The following LRRC7 variants were observed in gnomAD, a reference collection of about 807,000 sequenced individuals.
LRRC7 encodes leucine-rich repeat-containing protein 7.
Under a neutral mutation model 175.7 loss-of-function variants are expected in LRRC7, and 23 were observed. The observed-to-expected ratio is 0.13, with a 90% confidence interval of 0.09 to 0.19. The LOEUF (loss-of-function observed/expected upper bound fraction) is 0.19. LRRC7 is among the 10% of genes least tolerant of loss of function. The pLI is 1.00. For missense variants in LRRC7, 1,354 were observed against 1,904.7 expected (o/e 0.71, Z 5.38); for synonymous variants, 685 against 680.9 (o/e 1.01, Z -0.09).
intron 21 of LRRC7, among the ~76,000 whole-genome samples, chr1:70,043,161 T>C (rs1553195219): frequency 6.6e-6 from 1 of 152,102 alleles, no homozygotes; most frequent in Non-Finnish European, 1.5e-5. Flanking sequence ...AGGAAAAAAA[T>C]TATCTATCAG....
At chr1:69,779,752 T>C (rs1039685586) in intron 3 of LRRC7, among the ~76,000 whole-genome samples, 1 of 152,352 alleles carries the variant, frequency 6.6e-6, no homozygotes, top group East Asian at 1.9e-4. Flanking sequence ...AGTCACAATC[T>C]TTCTGCAGGA....
intron 7 of LRRC7, among the ~76,000 whole-genome samples, chr1:69,922,061 G>A (rs1646905654): frequency 6.6e-6 from 1 of 151,838 alleles, no homozygotes; most frequent in South Asian, 2.1e-4. Flanking sequence ...GAGTAGCTGG[G>A]ATTATAGGCA....
intron 1 of LRRC7, among the ~76,000 whole-genome samples, chr1:69,665,627 C>G (rs1447547572): frequency 2.0e-5 from 3 of 151,416 alleles, no homozygotes; most frequent in Non-Finnish European, 1.5e-5. Flanking sequence ...TCAGATTGTT[C>G]TCTGTTGGCA....
At chr1:69,656,329 G>A (rs1239664655) in intron 1 of LRRC7, among the ~76,000 whole-genome samples, 3 of 151,814 alleles carry the variant, frequency 2.0e-5, no homozygotes, top group African/African-American at 7.3e-5. Flanking sequence ...TGACATACTG[G>A]CTTCTGTAAT....
Position 69,839,500 on chromosome 1 carries a change from A to G in LRRC7, c.647+1217A>G, listed in dbSNP as rs114884985. ...GTTGGGGGCATAAACAGGTTGAAAT[A>G]TGGTTGAGGGTGTTAATCATTCAAG... On this transcript the variant is annotated intron_variant, in intron 7 of 26. Transcript: ENST00000651989. Among the ~76,000 whole-genome samples, 1,307 of 152,176 alleles carry G rather than the reference A, an allele frequency of 8.6e-3. 14 individuals carry two copies. Among genetic ancestry groups the G allele is most frequent in the African/African-American group, 0.03 (1,262 of 41,540 alleles).
intron 1 of LRRC7, among the ~76,000 whole-genome samples, chr1:69,652,214 C>G (rs1036470796): frequency 4.0e-5 from 6 of 149,532 alleles, no homozygotes; most frequent in Non-Finnish European, 7.4e-5. Flanking sequence ...ACAATTTTCT[C>G]TGTTCACAGA....
intron 1 of LRRC7, among the ~76,000 whole-genome samples, chr1:69,600,807 T>G (rs1366422760): frequency 3.0e-5 from 4 of 131,222 alleles, no homozygotes; most frequent in Non-Finnish European, 6.4e-5. Flanking sequence ...TTTCTTTTTT[T>G]TTTTTTTTTT....
chr1:70,021,339 C>T (rs1571042419), intron 16 of LRRC7: 2 of 397,650 alleles, frequency 5.0e-6, no homozygotes, highest in East Asian at 9.7e-5. Context: ...ATTTGAAATG[C>T]CACTTCATCC....
chr1:69,740,048 G>A (rs917621393), intron 2 of LRRC7, among the ~76,000 whole-genome samples: 1 of 152,030 alleles, frequency 6.6e-6, no homozygotes, highest in Non-Finnish European at 1.5e-5. Context: ...GCAATGAGAG[G>A]TTAGAGGTTC....
At chr1:69,861,070 A>T (rs1684310382) in intron 7 of LRRC7, among the ~76,000 whole-genome samples, 3 of 152,128 alleles carry the variant, frequency 2.0e-5, no homozygotes, top group African/African-American at 7.2e-5. Context: ...TCATTTTATA[A>T]GTATAATTGT....
At chr1:70,078,031 G>T (rs1279202813) in intron 24 of LRRC7, among the ~76,000 whole-genome samples, 2 of 152,084 alleles carry the variant, frequency 1.3e-5, no homozygotes, top group Non-Finnish European at 2.9e-5. Flanking sequence ...GGCTGAAATG[G>T]TTTTAGATGT....
chr1:70,055,675 C>T (rs1377838083), intron 23 of LRRC7, among the ~76,000 whole-genome samples: 2 of 152,040 alleles, frequency 1.3e-5, no homozygotes, highest in South Asian at 2.1e-4. Flanking sequence ...GATGGTAGGA[C>T]AGAAAGTGAG....
intron 4 of LRRC7, among the ~76,000 whole-genome samples, chr1:69,805,777 C>A (rs1040765497): frequency 1.3e-5 from 2 of 151,794 alleles, no homozygotes; most frequent in Non-Finnish European, 2.9e-5. Context: ...ACTTTTAACT[C>A]TTTCTAATAT....
At chr1:69,867,337 A>G (rs1685055481) in intron 7 of LRRC7, among the ~76,000 whole-genome samples, 1 of 152,210 alleles carries the variant, frequency 6.6e-6, no homozygotes, top group Admixed American at 6.5e-5. Flanking sequence ...GCACTGATGT[A>G]AAATAGAAAA....
intron 1 of LRRC7, among the ~76,000 whole-genome samples, chr1:69,662,764 G>C (rs1025315172): frequency 6.6e-6 from 1 of 152,162 alleles, no homozygotes; most frequent in Non-Finnish European, 1.5e-5. Flanking sequence ...ATAAACACTT[G>C]AGACTATTTA....
chr1:69,573,696 G>A (rs1305774830), intron 1 of LRRC7, among the ~76,000 whole-genome samples: 4 of 148,104 alleles, frequency 2.7e-5, no homozygotes, highest in Non-Finnish European at 6.1e-5. Context: ...CAAAGACATG[G>A]GAAAAATATT....
intron 17 of LRRC7, among the ~76,000 whole-genome samples, chr1:70,027,507 T>C (rs1376361439): frequency 4.6e-5 from 7 of 152,170 alleles, no homozygotes; most frequent in Admixed American, 4.6e-4. Flanking sequence ...TCCCAATTTT[T>C]AATTTCTCTT....
At chr1:69,910,709 C>A (rs987675851) in intron 7 of LRRC7, among the ~76,000 whole-genome samples, 1 of 152,200 alleles carries the variant, frequency 6.6e-6, no homozygotes, top group African/African-American at 2.4e-5. Flanking sequence ...GCTGGGAGAA[C>A]CACTACTCTC....
At chr1:70,090,609 A>G (rs543751239) in intron 25 of LRRC7, among the ~76,000 whole-genome samples, 2 of 152,226 alleles carry the variant, frequency 1.3e-5, no homozygotes, top group Admixed American at 1.3e-4. Context: ...TTATTCAATG[A>G]TAATTGAAGC....
Sources: allele counts gnomAD v4.1 joint callset (sites outside exome capture counted in the v4.1 genomes callset), GRCh38; gene constraint gnomAD v4.1.1; transcripts MANE v1.5; gene names NCBI Gene and HGNC (gene_info 2026-07-23, HGNC 2026-07-21).